The following SH3D19 variants were observed in gnomAD, a reference collection of about 807,000 sequenced individuals.
SH3D19 encodes the protein SH3 domain-containing protein 19.
Under a neutral mutation model 112.1 loss-of-function variants are expected in SH3D19, and 58 were observed. The observed-to-expected ratio is 0.52, with a 90% CI of 0.42 to 0.64. The LOEUF (loss-of-function observed/expected upper bound fraction) is 0.64, where lower values mean the gene tolerates loss of function less well. Ranked by LOEUF, SH3D19 falls within the 30% of genes least tolerant of loss-of-function variation. SH3D19 has a pLI of 0.00. For synonymous variants in SH3D19, 391 were observed against 448.5 expected, an observed-to-expected ratio of 0.87 and a Z score of 1.62; for missense variants, 1,090 against 1,263.4, an observed-to-expected ratio of 0.86 and a Z score of 2.08.
intron 1 of SH3D19, among the ~76,000 whole-genome samples, chr4:151,307,401 C>T (rs1195954496): frequency 6.6e-6 from 1 of 152,200 alleles, no homozygotes; most frequent in Non-Finnish European, 1.5e-5. Flanking sequence ...ATATCCAAAT[C>T]TACATTTAAG....
At chr4:151,212,423 G>A (rs772580806) in intron 2 of SH3D19, among the ~76,000 whole-genome samples, 15 of 152,170 alleles carry the variant, frequency 9.9e-5, no homozygotes, top group South Asian at 6.2e-4. Context: ...GGGATTATAC[G>A]TGTGAGGGGC....
chr4:151,291,163 A>G (rs2150019190), intron 1 of SH3D19: 1 of 1,613,840 alleles, frequency 6.2e-7, no homozygotes, highest in Admixed American at 1.7e-5. Flanking sequence ...TGGTGTATGG[A>G]TCCAGACAGG....
chr4:151,148,203 T>C lies in SH3D19; in HGVS notation c.1818-17A>G. Reference sequence around the variant, plus strand: ...TTCACAGGTCTGAAAGTCAATGTAGTAGCCATGAGTCAGTGTTTTGATCAG... The same window carrying C: ...TTCACAGGTCTGAAAGTCAATGTAGCAGCCATGAGTCAGTGTTTTGATCAG... On this transcript the variant is annotated splice_polypyrimidine_tract_variant and intron_variant, in intron 10 of 19. Coordinates refer to ENST00000604030, the MANE Select transcript of SH3D19 (RefSeq NM_001378122.1). 6.3e-7 allele frequency: 1 copy of C among 1,577,672 alleles called. No individual in the cohort carries two copies. Among genetic ancestry groups the C allele is most frequent in the Non-Finnish European group, 8.6e-7 (1 of 1,165,800 alleles).
In SH3D19 at chr4:151,182,477, G is replaced by A. The variant is rs184564675; in HGVS notation, c.194-3080C>T. On this transcript the variant is annotated intron_variant, in intron 3 of 19. Coordinates refer to ENST00000604030, the MANE Select transcript of SH3D19 (RefSeq NM_001378122.1). ...CCGTTCACACCAGAGGTCATTCACA[G>A]CAGGCCCCCAGGCAGCAGAGTGGCA... 4.9e-3 allele frequency among the ~76,000 whole-genome samples: 744 copies of A among 152,258 alleles called. 7 individuals carry two copies. Among genetic ancestry groups the A allele is most frequent in the African/African-American group, 0.017 (703 of 41,536 alleles).
At chr4:151,195,420 C>T (rs113702810) in intron 2 of SH3D19, among the ~76,000 whole-genome samples, 8 of 147,312 alleles carry the variant, frequency 5.4e-5, no homozygotes, top group African/African-American at 2.0e-4. Context: ...AAGAGTTAAC[C>T]TTAATTTTCA....
At chr4:151,164,603 G>A (rs1338979119) in intron 8 of SH3D19, among the ~76,000 whole-genome samples, 3 of 146,912 alleles carry the variant, frequency 2.0e-5, no homozygotes, top group Non-Finnish European at 4.5e-5. Flanking sequence ...TTTTTGAGAT[G>A]GAGTCTCGCT....
At chr4:151,237,725 T>C (rs1770237693) in intron 1 of SH3D19, among the ~76,000 whole-genome samples, 1 of 152,230 alleles carries the variant, frequency 6.6e-6, no homozygotes, top group Non-Finnish European at 1.5e-5. Flanking sequence ...ACATCTACTA[T>C]TATGATAATA....
At chr4:151,217,304 G>A (rs1340442514) in intron 2 of SH3D19, among the ~76,000 whole-genome samples, 1 of 152,188 alleles carries the variant, frequency 6.6e-6, no homozygotes, top group Non-Finnish European at 1.5e-5. Context: ...ATGGTAAAGT[G>A]TCAAAATAAA....
chr4:151,177,812 G>A (rs921708254), intron 4 of SH3D19, among the ~76,000 whole-genome samples: 12 of 152,164 alleles, frequency 7.9e-5, no homozygotes, highest in Non-Finnish European at 1.5e-4. Flanking sequence ...CTCTGGGTTC[G>A]TGATCAGGTT....
chr4:151,198,058 C>T (rs1322841271), intron 2 of SH3D19, among the ~76,000 whole-genome samples: 1 of 152,028 alleles, frequency 6.6e-6, no homozygotes, highest in African/African-American at 2.4e-5. Flanking sequence ...GTAATCCCAG[C>T]ACTTTGGGAG....
chr4:151,277,497 A>T (rs1232496297), intron 1 of SH3D19, among the ~76,000 whole-genome samples: 1 of 152,142 alleles, frequency 6.6e-6, no homozygotes, highest in Non-Finnish European at 1.5e-5. Flanking sequence ...GTTAGAAGGT[A>T]ATAAGTACTA....
chr4:151,216,065 G>A lies in SH3D19; in HGVS notation c.152+9982C>T, dbSNP rs192199210. 2.4e-3 allele frequency among the ~76,000 whole-genome samples: 372 copies of A among 152,252 alleles called. 1 individual carries two copies. Among genetic ancestry groups the A allele is most frequent in the African/African-American group, 8.5e-3 (351 of 41,532 alleles). ...AGGCTGGTCTCGAACTCCTGACCTC[G>A]TGATCTGCCCATCTCGGCCTCCCAA... On this transcript the variant is annotated intron_variant, in intron 2 of 19. Transcript: ENST00000604030.
intron 14 of SH3D19, 148 bp from the exon 15 acceptor site, chr4:151,135,280 T>C: frequency 1.9e-6 from 1 of 535,944 alleles, no homozygotes; most frequent in Non-Finnish European, 3.2e-6. Context: ...AGGTGCTAAA[T>C]GGTAAAACAA....
intron 2 of SH3D19, among the ~76,000 whole-genome samples, chr4:151,205,987 C>G (rs1357973656): frequency 1.3e-5 from 2 of 152,074 alleles, no homozygotes; most frequent in African/African-American, 4.8e-5. Context: ...AGTTCACATA[C>G]AGTTGACTGT....
intron 1 of SH3D19, among the ~76,000 whole-genome samples, chr4:151,234,834 A>G (rs1424897077): frequency 7.7e-6 from 1 of 129,152 alleles, no homozygotes; most frequent in Non-Finnish European, 1.5e-5. Flanking sequence ...TGCAGCCTCG[A>G]CCTCCTGGGC....
In SH3D19 at chr4:151,159,216, G is replaced by A. The variant is rs768887521; in HGVS notation, c.1755+24C>T. 6 of 1,319,956 alleles carry A rather than the reference G, an allele frequency of 4.5e-6. No individual in the cohort carries two copies. The South Asian group carries it at 8.7e-5, about 19-fold the overall frequency. The allele number at this position is 1,319,956 out of a possible 1,614,324, so 81.8% of individuals were successfully genotyped here. Reference sequence around the variant, plus strand: ...AATGCATAGCTACGTCTTCAATCTAGTACAATCTATAATGACCACTTACCA... The same window carrying A: ...AATGCATAGCTACGTCTTCAATCTAATACAATCTATAATGACCACTTACCA... On this transcript the variant is annotated intron_variant, in intron 9 of 19. Transcript: ENST00000604030.
chr4:151,129,914 T>G (rs1327319313), intron 17 of SH3D19, among the ~76,000 whole-genome samples: 3 of 152,216 alleles, frequency 2.0e-5, no homozygotes, highest in African/African-American at 7.2e-5. Flanking sequence ...ACTAACCCCC[T>G]CTTGCTCCTG....
intron 1 of SH3D19, 57 bp downstream of exon 1, chr4:151,325,184 G>A: frequency 2.0e-6 from 2 of 995,912 alleles, no homozygotes; most frequent in Non-Finnish European, 2.6e-6. Flanking sequence ...CAGGACCCGA[G>A]CGGCCCCAGA....
In SH3D19 at chr4:151,144,035, C is replaced by G; in HGVS notation, c.2098G>C (p.Val700Leu). 1 of 1,613,968 alleles carries G rather than the reference C, an allele frequency of 6.2e-7. No individual in the cohort carries two copies. The highest frequency in any genetic ancestry group is 8.5e-7 in the Non-Finnish European group (1 of 1,179,938). Residue 700 changes from valine to leucine, a missense_variant, in exon 12 of 20, where the codon GTG (valine) becomes CTG (leucine). Coordinates refer to ENST00000604030, the MANE Select transcript of SH3D19 (RefSeq NM_001378122.1). The part of the protein sequence containing the change: ...YSKYMRGDVL[V>L]MLKQTENNYL... ...TTATTTTCCGTCTGCTTCAGCATCA[C>G]AAGTACATCCCCACGCTGCAAGGTA...
Sources: allele counts gnomAD v4.1 joint callset (sites outside exome capture counted in the v4.1 genomes callset), GRCh38; gene constraint gnomAD v4.1.1; transcripts MANE v1.5; gene names NCBI Gene and HGNC (gene_info 2026-07-23, HGNC 2026-07-21).